Variants in ANKRD17 observed in about 807,000 individuals in gnomAD.
ANKRD17 encodes the protein ankyrin repeat domain 17.
ANKRD17 carries 19 observed loss-of-function variants against 229.7 expected under a neutral mutation model. That is an observed-to-expected ratio of 0.08 (90% CI 0.06 to 0.12). The LOEUF (loss-of-function observed/expected upper bound fraction) is 0.12. Ranked by LOEUF, ANKRD17 falls within the 10% of genes least tolerant of loss-of-function variation. The pLI, the probability that ANKRD17 is intolerant of heterozygous loss-of-function variation, is 1.00. For synonymous variants in ANKRD17, 1,112 were observed against 1,146.1 expected (o/e 0.97, Z 0.60); for missense variants, 2,176 against 3,176.8 (o/e 0.68, Z 7.57).
At chr4:73,102,961 A>C (rs1724190990) in intron 24 of ANKRD17, among the ~76,000 whole-genome samples, 1 of 152,154 alleles carries the variant, frequency 6.6e-6, no homozygotes, top group Non-Finnish European at 1.5e-5. Flanking sequence ...GTAATTTGAA[A>C]GCTTCCTAAC....
intron 14 of ANKRD17, 95 bp downstream of exon 14, chr4:73,141,646 A>T: frequency 8.2e-7 from 1 of 1,212,340 alleles, no homozygotes; most frequent in Non-Finnish European, 1.2e-6. Flanking sequence ...ATGCCAACTT[A>T]GTAAACTTCT....
At chr4:73,082,233 G>T (rs1004279617) in intron 30 of ANKRD17, among the ~76,000 whole-genome samples, 23 of 151,838 alleles carry the variant, frequency 1.5e-4, no homozygotes, top group Non-Finnish European at 2.8e-4. Context: ...ATTTTGGGAG[G>T]CTAAAGTGGG....
intron 1 of ANKRD17, among the ~76,000 whole-genome samples, chr4:73,237,711 G>A (rs890957813): frequency 1.3e-5 from 2 of 152,048 alleles, no homozygotes; most frequent in Middle Eastern, 3.2e-3. Flanking sequence ...TAGCAGAGAC[G>A]CCATAGGCAT....
chr4:73,205,907 T>TA (rs1161252741), intron 1 of ANKRD17, among the ~76,000 whole-genome samples: 14 of 152,188 alleles, frequency 9.2e-5, no homozygotes, highest in South Asian at 2.1e-4. Flanking sequence ...CTGATTTTTT[T>TA]AAAAAAATGG....
chr4:73,256,930 A>T (rs1325165668), intron 1 of ANKRD17, among the ~76,000 whole-genome samples: 2 of 152,250 alleles, frequency 1.3e-5, no homozygotes, highest in Non-Finnish European at 2.9e-5. Flanking sequence ...AGTCTGAGAT[A>T]AAAGAGAATC....
chr4:73,149,422 A>G (rs1226751294), intron 7 of ANKRD17, among the ~76,000 whole-genome samples: 2 of 152,240 alleles, frequency 1.3e-5, no homozygotes, highest in South Asian at 4.1e-4. Flanking sequence ...AAGAATTTTC[A>G]TAAGAATCTT....
chr4:73,146,578 A>C (rs998232591), intron 10 of ANKRD17, among the ~76,000 whole-genome samples, 186 bp downstream of exon 10: 19 of 152,092 alleles, frequency 1.2e-4, no homozygotes, highest in Admixed American at 1.2e-3. Flanking sequence ...GAATAACCCT[A>C]TTAAGGATGG....
intron 2 of ANKRD17, among the ~76,000 whole-genome samples, chr4:73,173,128 G>A (rs950560779): frequency 6.6e-6 from 1 of 152,018 alleles, no homozygotes; most frequent in Non-Finnish European, 1.5e-5. Context: ...GATATTCCAG[G>A]CCACTGGAAA....
Position 73,107,054 on chromosome 4 carries a change from C to CAGAA in ANKRD17, c.4402-4511_4402-4508dup, listed in dbSNP as rs566218006. ...TCACTCAGAGAGGAAGTGGATGGAA[C>CAGAA]AGAAGGCAGACACAGAGACTGCCAA... On this transcript the variant is annotated intron_variant, in intron 24 of 33. Transcript: ENST00000358602. Among the ~76,000 whole-genome samples the CAGAA allele has an allele frequency of 2.6e-5, 4 of 152,006 alleles. No individual in the cohort carries two copies. In the South Asian group the frequency reaches 8.3e-4, roughly 32 times the overall value.
At chr4:73,251,648 C>T (rs1370931344) in intron 1 of ANKRD17, among the ~76,000 whole-genome samples, 1 of 151,972 alleles carries the variant, frequency 6.6e-6, no homozygotes, top group African/African-American at 2.4e-5. Context: ...CACTACTTCG[C>T]ATACCAATGT....
intron 20 of ANKRD17, among the ~76,000 whole-genome samples, 178 bp downstream of exon 20, chr4:73,120,702 AC>A (rs1337314331): frequency 1.3e-5 from 2 of 152,116 alleles, no homozygotes; most frequent in African/African-American, 4.8e-5. Context: ...AAAATTTATC[AC>A]TCAGGTATTT....
chr4:73,107,405 C>A (rs200976502), intron 24 of ANKRD17, among the ~76,000 whole-genome samples: 1 of 152,088 alleles, frequency 6.6e-6, no homozygotes, highest in Non-Finnish European at 1.5e-5. Context: ...ATCAGTAAAC[C>A]GGATAAAACA....
chr4:73,207,354 GA>G (rs1382852184), intron 1 of ANKRD17, among the ~76,000 whole-genome samples: 2 of 151,698 alleles, frequency 1.3e-5, no homozygotes, highest in Admixed American at 6.6e-5. Flanking sequence ...TGAACAAAGG[GA>G]AAAAAGAAGC....
intron 24 of ANKRD17, chr4:73,112,948 C>T (rs1046524786): frequency 2.8e-5 from 12 of 425,408 alleles, no homozygotes; most frequent in Admixed American, 1.0e-4. Context: ...CCACCACGTC[C>T]GGCTAATTTT....
chr4:73,181,625 T>C (rs1735556911), intron 1 of ANKRD17, among the ~76,000 whole-genome samples: 1 of 152,162 alleles, frequency 6.6e-6, no homozygotes, highest in Admixed American at 6.5e-5. Context: ...GATTAAAAAC[T>C]AAAATGAATT....
chr4:73,149,075 T>A, intron 7 of ANKRD17, 25 bp from the exon 8 acceptor site: 1 of 1,590,150 alleles, frequency 6.3e-7, no homozygotes, highest in African/African-American at 1.3e-5. Context: ...ATTTAAAAAA[T>A]TAAATCAGCA....
At chr4:73,100,821 A>AAAAAC (rs768565705) in intron 25 of ANKRD17, 15 of 983,070 alleles carry the variant, frequency 1.5e-5, no homozygotes, top group South Asian at 4.7e-5. Flanking sequence ...AAGGGAAATT[A>AAAAAC]AAAACAAAAC....
chr4:73,085,010 G>C (rs575309653), intron 30 of ANKRD17, among the ~76,000 whole-genome samples: 34 of 152,078 alleles, frequency 2.2e-4, no homozygotes, highest in African/African-American at 7.2e-4. Flanking sequence ...GTGAGAGCCT[G>C]TCTCTAATAA....
rs966398630 is a variant in ANKRD17 at position 73,237,389 on chromosome 4, A to T, written c.393+20887T>A. Among the ~76,000 whole-genome samples the T allele has an allele frequency of 2.0e-5, 3 of 152,232 alleles. No individual in the cohort carries two copies. The South Asian group carries it at 6.2e-4, about 31-fold the overall frequency. ...GTTAAGAACTCCCTCATATGAAAAG[A>T]CATCTCACATACTAAGGCATATTCA... On this transcript the variant is annotated intron_variant, in intron 1 of 33. Transcript: ENST00000358602.
Sources: gnomAD v4.1 joint callset for allele counts (sites outside exome capture counted in the v4.1 genomes callset) on GRCh38, gnomAD v4.1.1 for gene constraint, MANE v1.5 for transcripts, NCBI Gene and HGNC (gene_info 2026-07-23, HGNC 2026-07-21) for gene names.